The following UNC13C variants were observed in gnomAD, a reference collection of about 807,000 sequenced individuals.
The protein encoded by UNC13C is unc-13 homolog C, also known as protein unc-13 homolog C.
Under a neutral mutation model 245.4 loss-of-function variants are expected in UNC13C, and 174 were observed. The observed-to-expected ratio is 0.71, with a 90% CI of 0.63 to 0.80. The LOEUF (loss-of-function observed/expected upper bound fraction) is 0.80, where lower values mean the gene tolerates loss of function less well. Among genes scored for constraint, UNC13C ranks in the 30% least tolerant of loss-of-function variants. UNC13C has a pLI of 0.00. For missense variants in UNC13C, 2,829 were observed against 2,602.9 expected (o/e 1.09, Z -1.89); for synonymous variants, 992 against 895.1 (o/e 1.11, Z -1.93).
intron 19 of UNC13C, among the ~76,000 whole-genome samples, chr15:54,442,871 G>C (rs550320342): frequency 2.6e-5 from 4 of 152,210 alleles, no homozygotes; most frequent in Admixed American, 1.3e-4. Context: ...TTGGCCTGTA[G>C]TTTATTTTTG....
intron 30 of UNC13C, among the ~76,000 whole-genome samples, chr15:54,577,581 C>T (rs17237718): frequency 0.061 from 9,229 of 152,140 alleles, 474 homozygotes; most frequent in Admixed American, 0.13. Flanking sequence ...TCCAGGCTCC[C>T]TCTGGACAAG....
At chr15:54,251,231 C>A (rs2036145112) in intron 8 of UNC13C, among the ~76,000 whole-genome samples, 1 of 152,152 alleles carries the variant, frequency 6.6e-6, no homozygotes, top group Non-Finnish European at 1.5e-5. Flanking sequence ...TTCTACAGTT[C>A]CTGCACAGGC....
At chr15:54,231,051 A>G (rs1364142697) in intron 4 of UNC13C, among the ~76,000 whole-genome samples, 2 of 152,000 alleles carry the variant, frequency 1.3e-5, no homozygotes, top group South Asian at 2.1e-4. Context: ...TAGTCTAATA[A>G]GTCTTTATTC....
the UNC13C span, among the ~76,000 whole-genome samples, chr15:53,938,997 C>G: frequency 1.3e-5 from 2 of 151,878 alleles, no homozygotes; most frequent in South Asian, 4.2e-4. Context: ...TAATCAGGAT[C>G]AGAGTGAAAC....
intron 26 of UNC13C, among the ~76,000 whole-genome samples, chr15:54,545,353 A>T (rs1255199864): frequency 6.6e-6 from 1 of 152,216 alleles, no homozygotes; most frequent in African/African-American, 2.4e-5. Flanking sequence ...CCCTAGAAGA[A>T]AACCTAGGCA....
At chr15:54,055,063 C>G (rs1897448259) in intron 2 of UNC13C, among the ~76,000 whole-genome samples, 1 of 152,140 alleles carries the variant, frequency 6.6e-6, no homozygotes, top group African/African-American at 2.4e-5. Flanking sequence ...TTATAGGGGT[C>G]AAGCTTGATC....
At chr15:54,034,638 A>G (rs966615048) in intron 2 of UNC13C, among the ~76,000 whole-genome samples, 7 of 152,226 alleles carry the variant, frequency 4.6e-5, no homozygotes, top group African/African-American at 1.4e-4. Context: ...CTTGATTTGC[A>G]TGGTACATTG....
intron 2 of UNC13C, among the ~76,000 whole-genome samples, chr15:54,063,334 G>A (rs1371367051): frequency 6.6e-6 from 1 of 152,156 alleles, no homozygotes; most frequent in African/African-American, 2.4e-5. Flanking sequence ...GGTGTGTGGT[G>A]GGGAAGGGGG....
chr15:53,905,697 A>G, the UNC13C span, among the ~76,000 whole-genome samples: 2 of 152,064 alleles, frequency 1.3e-5, no homozygotes, highest in Non-Finnish European at 2.9e-5. Flanking sequence ...CTGGAGCTCT[A>G]ATGTCCAGTA....
At chr15:54,125,787 T>C (rs2030998434) in intron 2 of UNC13C, among the ~76,000 whole-genome samples, 1 of 152,214 alleles carries the variant, frequency 6.6e-6, no homozygotes, top group African/African-American at 2.4e-5. Flanking sequence ...TTCTATATCA[T>C]TATGTGCCTC....
intron 24 of UNC13C, among the ~76,000 whole-genome samples, chr15:54,516,592 C>T (rs1032815226): frequency 6.6e-6 from 1 of 151,986 alleles, no homozygotes; most frequent in African/African-American, 2.4e-5. Context: ...CACCTGAGGT[C>T]AAGAGTTCGA....
Position 54,015,784 on chromosome 15 carries a change from GA to G in UNC13C, c.2882del (p.Glu961GlyfsTer17). ...CCAAAACATTCCTGAACAGCCAGTG[GA>G]GATCACAAAGCCAAAGAGAATTCGT... ...ENQNIPEQPV[E>X]ITKPKRIRPS... On this transcript the variant is annotated frameshift_variant, in exon 2 of 33. Transcript: ENST00000260323. LOFTEE classifies it high-confidence loss of function. The G allele has an allele frequency of 1.2e-6, 2 of 1,612,392 alleles. No individual in the cohort carries two copies. The highest frequency in any genetic ancestry group is 1.7e-6 in the Non-Finnish European group (2 of 1,179,088).
At chr15:53,901,282 C>T in the UNC13C span, among the ~76,000 whole-genome samples, 17 of 148,012 alleles carry the variant, frequency 1.1e-4, no homozygotes, top group Admixed American at 1.4e-4. Flanking sequence ...TGCAGTGGCA[C>T]GATCTCAGCT....
chr15:54,508,380 C>T (rs1242546259), intron 23 of UNC13C, among the ~76,000 whole-genome samples: 2 of 152,136 alleles, frequency 1.3e-5, no homozygotes, highest in South Asian at 2.1e-4. Context: ...AAAGCCCCTG[C>T]AGAGTTCCAC....
chr15:54,265,040 A>T (rs1415121447), intron 9 of UNC13C, among the ~76,000 whole-genome samples: 1 of 152,016 alleles, frequency 6.6e-6, no homozygotes, highest in African/African-American at 2.4e-5. Flanking sequence ...AATTTTTCAT[A>T]TAAGTGTAGG....
chr15:54,601,040 A>C (rs750632173), intron 30 of UNC13C, among the ~76,000 whole-genome samples: 2 of 152,310 alleles, frequency 1.3e-5, no homozygotes, highest in South Asian at 2.1e-4. Flanking sequence ...TACAAATTTG[A>C]GTTAGGCTGT....
At chr15:54,594,158 C>G (rs1172228323) in intron 30 of UNC13C, among the ~76,000 whole-genome samples, 1 of 152,160 alleles carries the variant, frequency 6.6e-6, no homozygotes, top group Non-Finnish European at 1.5e-5. Context: ...GTTGTCTGCA[C>G]AGAGTCTTGT....
chr15:54,371,282 T>C (rs1283383901), intron 17 of UNC13C, among the ~76,000 whole-genome samples: 1 of 152,208 alleles, frequency 6.6e-6, no homozygotes, highest in Non-Finnish European at 1.5e-5. Context: ...AATCATGTGA[T>C]ATTTGTTTTT....
intron 4 of UNC13C, among the ~76,000 whole-genome samples, chr15:54,186,643 T>C (rs553501527): frequency 1.4e-4 from 21 of 151,964 alleles, no homozygotes; most frequent in African/African-American, 4.8e-4. Context: ...GTGGGAAATA[T>C]TTAATTATGA....
Sources: allele counts gnomAD v4.1 joint callset (sites outside exome capture counted in the v4.1 genomes callset), GRCh38; gene constraint gnomAD v4.1.1; transcripts MANE v1.5; gene names NCBI Gene and HGNC (gene_info 2026-07-23, HGNC 2026-07-21).